KANSL3: variants seen among roughly 807,000 people sequenced by gnomAD.
KANSL3 encodes NSL complex protein NSL3.
Under a neutral mutation model 89.2 loss-of-function variants are expected in KANSL3, and 16 were observed. The observed-to-expected ratio is 0.18, with a 90% CI of 0.12 to 0.27. The LOEUF is 0.27. Among genes scored for constraint, KANSL3 ranks in the 10% least tolerant of loss-of-function variants. The pLI is 1.00. For synonymous variants in KANSL3, 385 were observed against 419.7 expected (o/e 0.92, Z 1.01); for missense variants, 879 against 1,110.6 (o/e 0.79, Z 2.96).
intron 3 of KANSL3, among the ~76,000 whole-genome samples, chr2:96,620,420 C>T (rs2071035416): frequency 6.6e-6 from 1 of 152,030 alleles, no homozygotes; most frequent in African/African-American, 2.4e-5. Context: ...TGTTATCATC[C>T]CAGCATACGG....
intron 5 of KANSL3, 70 bp from the exon 6 acceptor site, chr2:96,613,689 A>G (rs2069421147): frequency 6.9e-7 from 1 of 1,453,876 alleles, no homozygotes; most frequent in Admixed American, 1.9e-5. Context: ...GCAATCAAGC[A>G]GAAGAACAGA....
Position 96,610,898 on chromosome 2 carries a change from G to T in KANSL3, c.1162-15C>A. 1 of 1,611,050 alleles carries T rather than the reference G, an allele frequency of 6.2e-7. No individual in the cohort carries two copies. The highest frequency in any genetic ancestry group is 8.5e-7 in the Non-Finnish European group (1 of 1,177,400). On this transcript the variant is annotated splice_polypyrimidine_tract_variant and intron_variant, in intron 10 of 20. Coordinates refer to ENST00000431828, the MANE Select transcript of KANSL3 (RefSeq NM_001115016.3). ...TCATCTACATCCTAAAACAGGTATA[G>T]GTTTTAGAATCGGCTTCTTCATATT...
At chr2:96,587,196 C>T in the KANSL3 span, among the ~76,000 whole-genome samples, 3 of 152,302 alleles carry the variant, frequency 2.0e-5, no homozygotes, top group South Asian at 4.1e-4. Flanking sequence ...TCCCAACCCC[C>T]ACTCTTCTTG....
At chr2:96,611,215 TC>T in intron 9 of KANSL3, 77 bp from the exon 10 acceptor site, 1 of 1,203,428 alleles carries the variant, frequency 8.3e-7, no homozygotes, top group Non-Finnish European at 1.2e-6. Flanking sequence ...CCAGGAGTGG[TC>T]CAGACCCACC....
At chr2:96,610,487 T>C (rs931447947) in intron 11 of KANSL3, 4 of 313,168 alleles carry the variant, frequency 1.3e-5, no homozygotes, top group Admixed American at 4.3e-5. Flanking sequence ...GGCTAATTTT[T>C]TGTATTTTTA....
chr2:96,612,690 G>C (rs1270811516), intron 7 of KANSL3, 127 bp from the exon 8 acceptor site: 1 of 1,101,194 alleles, frequency 9.1e-7, no homozygotes, highest in Non-Finnish European at 1.3e-6. Context: ...GGCTCCACAT[G>C]AAAGAAGGGT....
intron 6 of KANSL3, 83 bp downstream of exon 6, chr2:96,613,405 C>A: frequency 9.4e-7 from 1 of 1,058,822 alleles, no homozygotes; most frequent in African/African-American, 1.6e-5. Flanking sequence ...GTTAAAGAAG[C>A]CATTTATCCT....
chr2:96,608,866 C>T lies in KANSL3; in HGVS notation c.1582G>A (p.Glu528Lys), dbSNP rs2068410231. The T allele has an allele frequency of 6.3e-7, 1 of 1,576,606 alleles. No homozygotes were observed. ...CGCTCCCTCCCTGCTCACACTACCT[C>T]TGAGCCTGAGGGTGAGGCGGGCAGC... ...AKLPASPSGSEDLSSVSSSPT... is the reference protein window; with the variant it reads ...AKLPASPSGSKDLSSVSSSPT... The change falls in exon 13 of 21, where the codon GAG (glutamate) becomes AAG (lysine). Residue 528 changes from glutamate to lysine, a missense_variant and splice_region_variant. Glu to Lys is a moderately conservative substitution (Grantham distance 56). Around this residue, in one of 6 missense-constraint regions of KANSL3, gnomAD observed 317 missense variants for 311.2 expected, o/e 1.02. Transcript: ENST00000431828.
chr2:96,621,281 C>T (rs1364383330), intron 3 of KANSL3, among the ~76,000 whole-genome samples: 7 of 151,996 alleles, frequency 4.6e-5, no homozygotes, highest in Non-Finnish European at 8.8e-5. Context: ...TTTGGGAGGC[C>T]AAGGTGGGTG....
chr2:96,612,958 A>C, intron 6 of KANSL3, 24 bp from the exon 7 acceptor site: 1 of 1,470,910 alleles, frequency 6.8e-7, no homozygotes, highest in Non-Finnish European at 9.3e-7. Context: ...ATCCCACCCA[A>C]AAACCAGTGA....
downstream of KANSL3, among the ~76,000 whole-genome samples, chr2:96,590,554 G>T (rs2066264637): frequency 6.6e-6 from 1 of 151,998 alleles, no homozygotes; most frequent in Non-Finnish European, 1.5e-5. Context: ...CTCCCAAAGT[G>T]CTGGGATTAC....
At chr2:96,582,718 A>G in the KANSL3 span, among the ~76,000 whole-genome samples, 1 of 152,232 alleles carries the variant, frequency 6.6e-6, no homozygotes, top group Non-Finnish European at 1.5e-5. Flanking sequence ...TTACTGAATA[A>G]TTTGGGATCA....
intron 20 of KANSL3, among the ~76,000 whole-genome samples, chr2:96,599,448 T>G (rs2066879764): frequency 6.6e-6 from 1 of 152,188 alleles, no homozygotes; most frequent in South Asian, 2.1e-4. Context: ...ACAATTCAAA[T>G]TTTAAAAACA....
intron 19 of KANSL3, 52 bp from the exon 20 acceptor site, chr2:96,601,828 A>G: frequency 6.6e-7 from 1 of 1,503,930 alleles, no homozygotes; most frequent in Non-Finnish European, 8.9e-7. Flanking sequence ...TCCACCTTCT[A>G]CTGAGGCTTT....
intron 5 of KANSL3, among the ~76,000 whole-genome samples, chr2:96,616,440 A>G (rs1475976400): frequency 6.6e-6 from 1 of 152,196 alleles, no homozygotes; most frequent in Admixed American, 6.5e-5. Flanking sequence ...TTCACTCTCA[A>G]CAGCCAATTA....
intron 2 of KANSL3, among the ~76,000 whole-genome samples, chr2:96,636,021 T>C (rs888280642): frequency 2.0e-5 from 3 of 150,724 alleles, no homozygotes; most frequent in East Asian, 1.9e-4. Context: ...CACACACACA[T>C]TGTGGTATCT....
rs911068375 is a variant in KANSL3 at position 96,594,091 on chromosome 2, C to G, written c.*1520G>C. ...CCCTGACCTACCTTGCCTGAGACTC[C>G]TAGACACTATGAGCTCCCTTCTGGC... On this transcript the variant is annotated 3_prime_UTR_variant, in exon 21 of 21. Coordinates refer to ENST00000431828, the MANE Select transcript of KANSL3 (RefSeq NM_001115016.3). The G allele has an allele frequency of 1.4e-5, 2 of 146,256 alleles. No homozygotes were observed. Among genetic ancestry groups the G allele is most frequent in the Admixed American group, 1.3e-4 (2 of 14,914 alleles). 9.1% of individuals were successfully genotyped at this position (146,256 alleles called of 1,614,324 possible).
chr2:96,634,384 C>T (rs1286080531), intron 2 of KANSL3, among the ~76,000 whole-genome samples: 2 of 152,026 alleles, frequency 1.3e-5, no homozygotes, highest in African/African-American at 2.4e-5. Context: ...GGCATGGTGG[C>T]GGGTGCCTAT....
At chr2:96,585,871 C>G in the KANSL3 span, among the ~76,000 whole-genome samples, 1 of 152,108 alleles carries the variant, frequency 6.6e-6, no homozygotes, top group African/African-American at 2.4e-5. Flanking sequence ...AATGGAAATC[C>G]AAATATTGTA....
Sources: gnomAD v4.1 joint callset for allele counts (sites outside exome capture counted in the v4.1 genomes callset) on GRCh38, gnomAD v4.1.1 for gene constraint, gnomAD v4.1.1 regional missense constraint, MANE v1.5 for transcripts, NCBI Gene and HGNC (gene_info 2026-07-23, HGNC 2026-07-21) for gene names.